Variants in DYNC2I1 observed in about 807,000 individuals in gnomAD.
DYNC2I1 encodes the protein dynein 2 intermediate chain 1.
A neutral mutation model predicts 133.4 loss-of-function variants in DYNC2I1; 89 were observed. The observed-to-expected ratio is 0.67, with a 90% CI of 0.56 to 0.80. DYNC2I1 has a LOEUF of 0.80. Among genes scored for constraint, DYNC2I1 ranks in the 30% least tolerant of loss-of-function variants. The pLI is 0.00. For synonymous variants in DYNC2I1, 504 were observed against 484.3 expected, an observed-to-expected ratio of 1.04 and a Z score of -0.54; for missense variants, 1,291 against 1,314.5, an observed-to-expected ratio of 0.98 and a Z score of 0.28.
In DYNC2I1 at chr7:158,926,242, C is replaced by G; in HGVS notation, c.2313C>G (p.Ile771Met). The G allele has an allele frequency of 6.2e-7, 1 of 1,613,632 alleles. No individual in the cohort carries two copies. Among genetic ancestry groups the G allele is most frequent in the Non-Finnish European group, 8.5e-7 (1 of 1,179,756 alleles). ...HRSPLQAVEP[I>M]STSVHKKQSF... ...GCCCTCTTCAAGCAGTAGAACCTAT[C>G]TCAACGTCCGTCCACAAAAAGCAGA... The change falls in exon 18 of 25, where the codon ATC (isoleucine) becomes ATG (methionine). Residue 771 changes from isoleucine to methionine, a missense_variant. Coordinates refer to ENST00000407559, the MANE Select transcript of DYNC2I1 (RefSeq NM_018051.5).
intron 11 of DYNC2I1, among the ~76,000 whole-genome samples, chr7:158,910,575 T>A (rs1400682299): frequency 8.8e-6 from 1 of 113,304 alleles, no homozygotes; most frequent in East Asian, 3.0e-4. Context: ...GGGCTGAGGG[T>A]GATTGGAGGG....
At chr7:158,910,599 C>G (rs1380645874) in intron 11 of DYNC2I1, among the ~76,000 whole-genome samples, 3 of 147,706 alleles carry the variant, frequency 2.0e-5, no homozygotes, top group Non-Finnish European at 4.5e-5. Flanking sequence ...TCAGCTGTGT[C>G]AGGCCTGTGG....
intron 8 of DYNC2I1, among the ~76,000 whole-genome samples, chr7:158,893,315 A>T (rs1039545054): frequency 3.9e-5 from 6 of 152,058 alleles, no homozygotes; most frequent in African/African-American, 1.5e-4. Context: ...AGAGTGTCTT[A>T]TACAGCTGCT....
chr7:158,901,869 A>G (rs1181578741), intron 9 of DYNC2I1, 53 bp downstream of exon 9: 17 of 1,325,180 alleles, frequency 1.3e-5, no homozygotes, highest in Non-Finnish European at 1.8e-5. Context: ...TATTCTTAAA[A>G]ATCAGCTTAT....
chr7:158,920,484 G>A (rs1468044091), intron 15 of DYNC2I1, among the ~76,000 whole-genome samples: 1 of 152,170 alleles, frequency 6.6e-6, no homozygotes, highest in South Asian at 2.1e-4. Flanking sequence ...CTCCATCAGG[G>A]AACACATGAA....
downstream of DYNC2I1, among the ~76,000 whole-genome samples, chr7:158,948,298 C>T (rs1477814946): frequency 6.6e-6 from 1 of 152,266 alleles, no homozygotes; most frequent in East Asian, 1.9e-4. Flanking sequence ...TCCAAGCCCA[C>T]CCTGGTGCCT....
intron 6 of DYNC2I1, among the ~76,000 whole-genome samples, chr7:158,884,964 C>T (rs1423498789): frequency 2.6e-5 from 4 of 152,128 alleles, no homozygotes; most frequent in African/African-American, 4.8e-5. Context: ...TTGGTACTCA[C>T]TTTGGGGAGA....
At chr7:158,864,069 CCGGTGTGTGTGTGTGGTGTGGG>C in intron 1 of DYNC2I1, among the ~76,000 whole-genome samples, 3 of 109,252 alleles carry the variant, frequency 2.7e-5, no homozygotes, top group African/African-American at 1.1e-4. Context: ...TCCTTAGCTC[CCGGTGTGTGTGTGTGGTGTGGG>C]GGGAGAGGGA....
chr7:158,846,491 T>C, the DYNC2I1 span, among the ~76,000 whole-genome samples: 17 of 152,322 alleles, frequency 1.1e-4, no homozygotes, highest in Middle Eastern at 3.4e-3. Flanking sequence ...ATTGTCTATG[T>C]AAGTAGTAAT....
At chr7:158,909,554 C>T (rs1270084155) in intron 11 of DYNC2I1, among the ~76,000 whole-genome samples, 2 of 152,118 alleles carry the variant, frequency 1.3e-5, no homozygotes, top group African/African-American at 4.8e-5. Flanking sequence ...CAGAGTCCTA[C>T]TTTCTTGATG....
intron 24 of DYNC2I1, among the ~76,000 whole-genome samples, chr7:158,942,687 T>G (rs955654591): frequency 1.3e-5 from 2 of 152,216 alleles, no homozygotes; most frequent in African/African-American, 4.8e-5. Flanking sequence ...ACGAGGTACT[T>G]GGTGTTCCCC....
chr7:158,945,495 T>A lies in DYNC2I1; in HGVS notation c.3003-86T>A. 2 of 1,374,036 alleles carry A rather than the reference T, an allele frequency of 1.5e-6. No homozygotes were observed. The highest frequency in any genetic ancestry group is 2.6e-5 in the Admixed American group (1 of 38,966). 85.1% of individuals were successfully genotyped at this position (1,374,036 alleles called of 1,614,324 possible). A position where few individuals can be genotyped will look rare whatever the true frequency, so the allele number is the denominator to read the frequency against. On this transcript the variant is annotated intron_variant, in intron 24 of 24. Transcript: ENST00000407559. This position sits in a 1 kb window ranked among gnomAD's most constrained non-coding sequence, Gnocchi z 4.1. Reference sequence around the variant, plus strand: ...TTTCTCATCCGTTTCACTCTTCCCATGGAAGGTAGACATTTTGAAGACTCA... The same window carrying A: ...TTTCTCATCCGTTTCACTCTTCCCAAGGAAGGTAGACATTTTGAAGACTCA...
chr7:158,954,721 AAAT>A (rs1327334836), intron 4 of DYNC2I1, among the ~76,000 whole-genome samples: 2 of 152,264 alleles, frequency 1.3e-5, no homozygotes, highest in African/African-American at 4.8e-5. Flanking sequence ...ATTATATTAA[AAAT>A]AAGTAAGAAA....
At chr7:158,930,263 C>T (rs1182689021) in intron 20 of DYNC2I1, among the ~76,000 whole-genome samples, 192 bp from the exon 21 acceptor site, 1 of 152,116 alleles carries the variant, frequency 6.6e-6, no homozygotes, top group Admixed American at 6.6e-5. Context: ...TGTGAATTCT[C>T]GATTCTTCTC....
chr7:158,919,901 G>A (rs902344684), intron 15 of DYNC2I1, among the ~76,000 whole-genome samples: 1 of 152,248 alleles, frequency 6.6e-6, no homozygotes, highest in Admixed American at 6.5e-5. Context: ...AGCCGACACT[G>A]AGCAGTGACA....
chr7:158,908,712 G>A (rs998927250), intron 11 of DYNC2I1, among the ~76,000 whole-genome samples: 7 of 152,152 alleles, frequency 4.6e-5, no homozygotes, highest in Non-Finnish European at 7.4e-5. Context: ...GAGATTTGCC[G>A]CAGCAGGAGC....
At chr7:158,876,282 C>T (rs533768515) in intron 3 of DYNC2I1, among the ~76,000 whole-genome samples, 1 of 152,184 alleles carries the variant, frequency 6.6e-6, no homozygotes, top group Non-Finnish European at 1.5e-5. Context: ...AGAACAGCAC[C>T]CAGGGGGAAA....
At chr7:158,921,207 G>A (rs1039461107) in intron 15 of DYNC2I1, among the ~76,000 whole-genome samples, 2 of 152,246 alleles carry the variant, frequency 1.3e-5, no homozygotes, top group East Asian at 1.9e-4. Flanking sequence ...AGTGAAAACC[G>A]GACGGAGATG....
At chr7:158,929,420 G>A (rs1017272683) in intron 20 of DYNC2I1, among the ~76,000 whole-genome samples, 4 of 149,770 alleles carry the variant, frequency 2.7e-5, no homozygotes, top group Non-Finnish European at 5.9e-5. Flanking sequence ...GGGCGGTGGC[G>A]TGTAGGGGCC....
Sources: allele counts gnomAD v4.1 joint callset (sites outside exome capture counted in the v4.1 genomes callset), GRCh38; gene constraint gnomAD v4.1.1; non-coding constraint Gnocchi (gnomAD v3.1); transcripts MANE v1.5; gene names NCBI Gene and HGNC (gene_info 2026-07-23, HGNC 2026-07-21).